The following MYH9 variants were observed in gnomAD, a reference collection of about 807,000 sequenced individuals.
MYH9 encodes myosin heavy chain 9.
Under a neutral mutation model 241.9 loss-of-function variants are expected in MYH9, and 29 were observed. The ratio of observed to expected loss-of-function variants is 0.12; its 90% CI spans 0.09 to 0.16. The LOEUF is 0.16. Among genes scored for constraint, MYH9 ranks in the 10% least tolerant of loss-of-function variants. The probability of loss-of-function intolerance (pLI) is 1.00; values close to 1 mark genes in which losing one functional copy is unlikely to be tolerated. For synonymous variants in MYH9, 1,047 were observed against 1,062.6 expected, an observed-to-expected ratio of 0.99 and a Z score of 0.29; for missense variants, 1,803 against 2,595.5, an observed-to-expected ratio of 0.69 and a Z score of 6.63.
chr22:36,316,319 C>G (rs557762829), intron 12 of MYH9, among the ~76,000 whole-genome samples, 198 bp downstream of exon 12: 1 of 151,094 alleles, frequency 6.6e-6, no homozygotes, highest in South Asian at 2.1e-4. Context: ...CAGGCATGAG[C>G]TACCGTGCCC....
chr22:36,286,605 A>G, intron 35 of MYH9, 113 bp downstream of exon 35: 1 of 1,485,922 alleles, frequency 6.7e-7, no homozygotes, highest in Non-Finnish European at 9.3e-7. Flanking sequence ...AGCCATCCCC[A>G]GCCAATTCCT....
intron 2 of MYH9, among the ~76,000 whole-genome samples, chr22:36,344,288 G>A (rs567127241): frequency 2.6e-5 from 4 of 151,924 alleles, no homozygotes; most frequent in Non-Finnish European, 4.4e-5. Context: ...GTGCCCATCC[G>A]CCCCCATCCC....
intron 2 of MYH9, 63 bp downstream of exon 2, chr22:36,348,838 CCCG>C: frequency 4.2e-6 from 2 of 471,150 alleles, no homozygotes; most frequent in South Asian, 1.9e-5. Context: ...GATGGGAAGA[CCCG>C]CCCCCCCCCC....
intron 31 of MYH9, among the ~76,000 whole-genome samples, chr22:36,290,872 G>A (rs1467140073): frequency 2.6e-5 from 4 of 151,352 alleles, no homozygotes; most frequent in African/African-American, 7.3e-5. Flanking sequence ...ATCTCTGCCC[G>A]GCCGCCCCGT....
chr22:36,343,311 G>A (rs918788973), intron 2 of MYH9, among the ~76,000 whole-genome samples: 2 of 152,136 alleles, frequency 1.3e-5, no homozygotes, highest in Non-Finnish European at 2.9e-5. Context: ...CAGGGTGAGA[G>A]GATCGCTTGA....
At chr22:36,353,746 C>T (rs894586175) in intron 1 of MYH9, among the ~76,000 whole-genome samples, 1 of 142,584 alleles carries the variant, frequency 7.0e-6, no homozygotes, top group African/African-American at 2.6e-5. Context: ...CCGCCTCTCC[C>T]CGCCTTGCAA....
intron 15 of MYH9, chr22:36,308,913 G>A (rs2146351276): frequency 1.0e-6 from 1 of 954,246 alleles, no homozygotes; most frequent in South Asian, 4.8e-5. Flanking sequence ...AAAGGAAAAG[G>A]AGAAACCAAC....
chr22:36,309,172 G>T, intron 15 of MYH9, 110 bp downstream of exon 15: 1 of 927,708 alleles, frequency 1.1e-6, no homozygotes, highest in Non-Finnish European at 1.7e-6. Context: ...CCTGGCCTAT[G>T]TCAGGGGGCA....
intron 31 of MYH9, among the ~76,000 whole-genome samples, chr22:36,290,114 G>A (rs1370276391): frequency 6.6e-6 from 1 of 152,136 alleles, no homozygotes; most frequent in African/African-American, 2.4e-5. Flanking sequence ...TGATATGAAT[G>A]CATAAATAAA....
intron 14 of MYH9, among the ~76,000 whole-genome samples, 160 bp from the exon 15 acceptor site, chr22:36,309,556 A>G (rs1414607130): frequency 6.6e-6 from 1 of 152,230 alleles, no homozygotes; most frequent in African/African-American, 2.4e-5. Context: ...GGTGAGGATA[A>G]GGGGAGCGAG....
rs1298256061 is a variant in MYH9 at position 36,285,721 on chromosome 22, C to T, written c.5211G>A (p.Glu1737=). Residue 1737 remains glutamate (E), a synonymous_variant, in exon 37 of 41, where the codon GAG becomes GAA. Coordinates refer to ENST00000216181, the MANE Select transcript of MYH9 (RefSeq NM_002473.6). This position sits in a 1 kb window ranked among gnomAD's most constrained non-coding sequence, Gnocchi z 7.0. ...LEARIAQLEE[E]LEEEQGNTEL... ...CCGTGTTGCCCTGCTCCTCCTCCAG[C>T]TCCTCCTCCAGCTGGGCGATGCGGG... The T allele has an allele frequency of 1.2e-6, 2 of 1,613,272 alleles. No homozygotes were observed. The highest frequency in any genetic ancestry group is 4.5e-5 in the East Asian group (2 of 44,876).
At chr22:36,353,950 G>C (rs2017812392) in intron 1 of MYH9, among the ~76,000 whole-genome samples, 1 of 152,162 alleles carries the variant, frequency 6.6e-6, no homozygotes, top group Admixed American at 6.5e-5. Context: ...ACCCAGGCTA[G>C]AGTGCAATGG....
At chr22:36,377,283 C>T (rs1473702130) in intron 1 of MYH9, among the ~76,000 whole-genome samples, 1 of 152,136 alleles carries the variant, frequency 6.6e-6, no homozygotes, top group Non-Finnish European at 1.5e-5. Flanking sequence ...CCAAATGCCT[C>T]GTTCTTATGT....
intron 1 of MYH9, among the ~76,000 whole-genome samples, chr22:36,379,172 C>T (rs2146425241): frequency 6.6e-6 from 1 of 152,212 alleles, no homozygotes; most frequent in Middle Eastern, 3.4e-3. Context: ...TGAGTGGCAA[C>T]CTACTCAGAG....
rs1486787362 is a variant in MYH9 at position 36,291,997 on chromosome 22, T to A, written c.4333A>T (p.Lys1445Ter). The change falls in exon 31 of 41, where the codon AAG (lysine) becomes TAG (stop). Residue 1445 changes from lysine to a stop codon, truncating the protein, a stop_gained. Transcript: ENST00000216181. LOFTEE classifies it high-confidence loss of function. Reference protein sequence around the residue: ...SACNLEKKQKKFDQLLAEEKT... With the variant: ...SACNLEKKQK ...CAACGGCCACACACCTGGTCAAACT[T>A]CTTCTGCTTCTTCTCCAGGTTGCAC... 6.2e-7 allele frequency: 1 copy of A among 1,614,142 alleles called. No individual in the cohort carries two copies. The highest frequency in any genetic ancestry group is 8.5e-7 in the Non-Finnish European group (1 of 1,180,014).
chr22:36,298,840 G>A (rs963876594), intron 24 of MYH9, 79 bp downstream of exon 24: 73 of 1,596,290 alleles, frequency 4.6e-5, no homozygotes, highest in Non-Finnish European at 5.7e-5. Flanking sequence ...TCGGTGTTCC[G>A]GTCAGACAGG....
At chr22:36,332,091 T>C (rs966077093) in intron 3 of MYH9, among the ~76,000 whole-genome samples, 4 of 152,136 alleles carry the variant, frequency 2.6e-5, no homozygotes, top group African/African-American at 9.7e-5. Context: ...CTCAGGTCTC[T>C]GGAAACCTCA....
chr22:36,326,308 C>T (rs2017334421), intron 5 of MYH9, among the ~76,000 whole-genome samples: 1 of 152,254 alleles, frequency 6.6e-6, no homozygotes, highest in Admixed American at 6.5e-5. Context: ...GCCAAGAGGG[C>T]TGCCATGCAA....
At chr22:36,313,406 C>G (rs1227975410) in intron 13 of MYH9, among the ~76,000 whole-genome samples, 1 of 137,732 alleles carries the variant, frequency 7.3e-6, no homozygotes, top group Non-Finnish European at 1.5e-5. Context: ...GAGCCAAGAT[C>G]AGGCCACTGC....
Sources: allele counts gnomAD v4.1 joint callset (sites outside exome capture counted in the v4.1 genomes callset), GRCh38; gene constraint gnomAD v4.1.1; non-coding constraint Gnocchi (gnomAD v3.1); transcripts MANE v1.5; gene names NCBI Gene and HGNC (gene_info 2026-07-23, HGNC 2026-07-21).